The following FHOD3 variants were observed in gnomAD, a reference collection of about 807,000 sequenced individuals.
FHOD3 encodes formin homology 2 domain containing 3.
Under a neutral mutation model 173.0 loss-of-function variants are expected in FHOD3, and 90 were observed. The observed-to-expected ratio is 0.52, with a 90% CI of 0.44 to 0.62. The LOEUF is 0.62. FHOD3 is among the 20% of genes least tolerant of loss of function. The pLI, the probability that FHOD3 is intolerant of heterozygous loss-of-function variation, is 0.00. For synonymous variants in FHOD3, 828 were observed against 823.0 expected (o/e 1.01, Z -0.10); for missense variants, 1,945 against 2,034.7 (o/e 0.96, Z 0.85).
chr18:36,702,449 C>A (rs1421861086), intron 17 of FHOD3, among the ~76,000 whole-genome samples: 3 of 152,168 alleles, frequency 2.0e-5, no homozygotes, highest in Non-Finnish European at 4.4e-5. Flanking sequence ...TCTCTTGGGA[C>A]CTTTTTCAGA....
At chr18:36,518,253 C>T (rs2056095596) in intron 5 of FHOD3, among the ~76,000 whole-genome samples, 1 of 152,228 alleles carries the variant, frequency 6.6e-6, no homozygotes, top group African/African-American at 2.4e-5. Flanking sequence ...TTCCACGGAA[C>T]AACCTAGCCT....
chr18:36,344,477 C>A (rs2045786335), intron 1 of FHOD3, among the ~76,000 whole-genome samples: 1 of 151,724 alleles, frequency 6.6e-6, no homozygotes, highest in Non-Finnish European at 1.5e-5. Context: ...GAAGTGATGG[C>A]ACTAATTTAG....
intron 3 of FHOD3, among the ~76,000 whole-genome samples, chr18:36,500,210 T>G (rs2054958299): frequency 1.3e-5 from 2 of 152,212 alleles, no homozygotes; most frequent in Admixed American, 1.3e-4. Context: ...AGTGGGAGTT[T>G]CCACAGGAGC....
At chr18:36,619,564 G>A (rs897768595) in intron 9 of FHOD3, among the ~76,000 whole-genome samples, 2 of 152,074 alleles carry the variant, frequency 1.3e-5, no homozygotes, top group South Asian at 2.1e-4. Context: ...GGCCCTCATC[G>A]TTTCTTGCCT....
chr18:36,766,146 A>G (rs902631420), intron 27 of FHOD3, among the ~76,000 whole-genome samples: 5 of 152,184 alleles, frequency 3.3e-5, no homozygotes, highest in Admixed American at 3.3e-4. Context: ...AAGGAACTGT[A>G]GAAGCCAGAA....
intron 3 of FHOD3, among the ~76,000 whole-genome samples, chr18:36,454,930 G>T (rs2052087162): frequency 6.6e-6 from 1 of 152,154 alleles, no homozygotes; most frequent in Admixed American, 6.5e-5. Flanking sequence ...TGCTGCTTTT[G>T]CTCCCACTTA....
At chr18:36,537,849 C>T (rs2057058343) in intron 5 of FHOD3, among the ~76,000 whole-genome samples, 1 of 152,138 alleles carries the variant, frequency 6.6e-6, no homozygotes, top group Admixed American at 6.5e-5. Context: ...AGGATCTAAT[C>T]ACCATCTACA....
At chr18:36,607,053 G>A (rs894065709) in intron 8 of FHOD3, among the ~76,000 whole-genome samples, 1 of 152,162 alleles carries the variant, frequency 6.6e-6, no homozygotes, top group Non-Finnish European at 1.5e-5. Context: ...GGGCTGGATT[G>A]CACACTGGTA....
intron 1 of FHOD3, among the ~76,000 whole-genome samples, chr18:36,351,107 G>A (rs532463444): frequency 6.6e-6 from 1 of 152,260 alleles, no homozygotes; most frequent in African/African-American, 2.4e-5. Context: ...CTCGTTTGCT[G>A]TCTTCACAGC....
chr18:36,446,298 C>T (rs552216769), intron 3 of FHOD3, among the ~76,000 whole-genome samples: 119 of 152,212 alleles, frequency 7.8e-4, no homozygotes, highest in Non-Finnish European at 1.2e-3. Context: ...CATCATTAGT[C>T]GCGGTGAAAT....
chr18:36,437,917 C>T (rs892373852), intron 3 of FHOD3, among the ~76,000 whole-genome samples: 9 of 152,158 alleles, frequency 5.9e-5, no homozygotes, highest in Admixed American at 1.3e-4. Context: ...CTGCCTCAGC[C>T]TCCCAAAGTG....
chr18:36,319,365 C>T (rs1017213331), intron 1 of FHOD3, among the ~76,000 whole-genome samples: 1 of 152,046 alleles, frequency 6.6e-6, no homozygotes, highest in African/African-American at 2.4e-5. Flanking sequence ...GACTTTAAAC[C>T]AACAAAGATC....
intron 10 of FHOD3, among the ~76,000 whole-genome samples, chr18:36,628,190 C>G (rs2034255114): frequency 6.6e-6 from 1 of 152,202 alleles, no homozygotes; most frequent in Non-Finnish European, 1.5e-5. Flanking sequence ...CTGTAAGATT[C>G]AGACAGGACA....
chr18:36,422,293 C>T (rs2050027063), intron 3 of FHOD3, among the ~76,000 whole-genome samples: 1 of 151,998 alleles, frequency 6.6e-6, no homozygotes, highest in Non-Finnish European at 1.5e-5. Flanking sequence ...TGGGGCTCTT[C>T]CTATACTAGT....
intron 14 of FHOD3, among the ~76,000 whole-genome samples, chr18:36,659,926 A>T (rs2036670499): frequency 6.6e-6 from 1 of 152,162 alleles, no homozygotes; most frequent in African/African-American, 2.4e-5. Flanking sequence ...GGACTGGCTG[A>T]AGTGCCCCTG....
intron 8 of FHOD3, among the ~76,000 whole-genome samples, chr18:36,607,226 G>C (rs12956202): frequency 0.17 from 25,909 of 152,194 alleles, 2,794 homozygotes; most frequent in South Asian, 0.25. Flanking sequence ...GGTCACCATG[G>C]CTCCACGGCT....
intron 1 of FHOD3, among the ~76,000 whole-genome samples, chr18:36,333,697 T>C (rs535606393): frequency 2.0e-5 from 3 of 152,282 alleles, no homozygotes; most frequent in South Asian, 4.2e-4. Context: ...TGGGTACTTA[T>C]TAGAAATGCA....
chr18:36,464,002 A>G (rs2052752069), intron 3 of FHOD3, among the ~76,000 whole-genome samples: 1 of 152,238 alleles, frequency 6.6e-6, no homozygotes, highest in South Asian at 2.1e-4. Flanking sequence ...AAATATTGCT[A>G]GAATTGTTCT....
chr18:36,656,538 G>C (rs1234355604), intron 13 of FHOD3, among the ~76,000 whole-genome samples: 1 of 152,126 alleles, frequency 6.6e-6, no homozygotes, highest in Non-Finnish European at 1.5e-5. Flanking sequence ...ATAGATGCGG[G>C]TCGTATCAAT....
Sources: allele counts gnomAD v4.1 joint callset (sites outside exome capture counted in the v4.1 genomes callset), GRCh38; gene constraint gnomAD v4.1.1; transcripts MANE v1.5; gene names NCBI Gene and HGNC (gene_info 2026-07-23, HGNC 2026-07-21).